DOCK5: variants seen among roughly 807,000 people sequenced by gnomAD.
DOCK5 encodes dedicator of cytokinesis 5.
In DOCK5, 142 loss-of-function variants were observed where a neutral mutation model predicts 251.8. That is an observed-to-expected ratio of 0.56 (90% CI 0.49 to 0.65). The LOEUF is 0.65. DOCK5 is among the 30% of genes least tolerant of loss of function. The pLI is 0.00. For synonymous variants in DOCK5, 842 were observed against 835.5 expected, an observed-to-expected ratio of 1.01 and a Z score of -0.13; for missense variants, 2,111 against 2,312.3, an observed-to-expected ratio of 0.91 and a Z score of 1.79.
chr8:25,392,931 TATA>T lies in DOCK5; in HGVS notation c.4527+54_4527+56del, dbSNP rs1486668134. The T allele has an allele frequency of 2.1e-6, 3 of 1,455,002 alleles. No individual in the cohort carries two copies. The African/African-American group carries it at 4.2e-5, about 20-fold the overall frequency. 90.1% of individuals were successfully genotyped at this position (1,455,002 alleles called of 1,614,324 possible). A position where few individuals can be genotyped will look rare whatever the true frequency, so the allele number is the denominator to read the frequency against. On this transcript the variant is annotated intron_variant, in intron 44 of 51. Transcript: ENST00000276440. ...TAGAAAAAAACTTTCTGTTTCCAAATATAATAACAGCCTTTGTTGAATTCCCTC... is the reference window on the plus strand; with the variant it reads ...TAGAAAAAAACTTTCTGTTTCCAAATATAACAGCCTTTGTTGAATTCCCTC...
rs1026783374 is a variant in DOCK5, at chr8:25,381,129, C to T, written c.4026+735C>T. Reference sequence around the variant, plus strand: ...TTCTGAATGCCTGATGGTAGGCAGCCACCATTCTGAATGCCCAGTGGTAGG... The same window carrying T: ...TTCTGAATGCCTGATGGTAGGCAGCTACCATTCTGAATGCCCAGTGGTAGG... On this transcript the variant is annotated intron_variant, in intron 39 of 51. Transcript: ENST00000276440. Among the ~76,000 whole-genome samples the T allele has an allele frequency of 2.0e-5, 3 of 152,104 alleles. 1 individual carries two copies. In the Middle Eastern group the frequency reaches 9.5e-3, roughly 481 times the overall value.
intron 1 of DOCK5, 97 bp from the exon 2 acceptor site, chr8:25,243,577 C>G: frequency 8.7e-7 from 1 of 1,143,286 alleles, no homozygotes; most frequent in Non-Finnish European, 1.2e-6. Context: ...GATCCACCCA[C>G]CTCACCCTCT....
chr8:25,221,929 C>T (rs1802402148), intron 1 of DOCK5, among the ~76,000 whole-genome samples: 1 of 152,162 alleles, frequency 6.6e-6, no homozygotes, highest in Non-Finnish European at 1.5e-5. Context: ...CTCCCCACTG[C>T]CAGGGCTATG....
At chr8:25,249,541 A>G (rs569909118) in intron 2 of DOCK5, among the ~76,000 whole-genome samples, 1 of 152,288 alleles carries the variant, frequency 6.6e-6, no homozygotes, top group East Asian at 1.9e-4. Context: ...TGTAAGTGGA[A>G]TCACATAATA....
rs140826061 is a variant in DOCK5, at chr8:25,273,066, C to CATGGCGCAGTGGCGCA, written c.169-2320_169-2319insATGGCGCAGTGGCGCA. 7.6e-3 allele frequency among the ~76,000 whole-genome samples: 1,148 copies of CATGGCGCAGTGGCGCA among 151,708 alleles called. 16 individuals are homozygous for CATGGCGCAGTGGCGCA. Among genetic ancestry groups the CATGGCGCAGTGGCGCA allele is most frequent in the African/African-American group, 0.026 (1,078 of 41,220 alleles). ...AGATGATAGTCAGCAAATCATTTGC[C>CATGGCGCAGTGGCGCA]GTGGCGCAGTGGCACAGTGGCACAG... On this transcript the variant is annotated intron_variant, in intron 3 of 51. Transcript: ENST00000276440.
Position 25,234,673 on chromosome 8 carries a change from A to C in DOCK5, c.44-9001A>C, listed in dbSNP as rs188254677. 3.7e-3 allele frequency among the ~76,000 whole-genome samples: 565 copies of C among 152,328 alleles called. 4 individuals carry two copies. The highest frequency in any genetic ancestry group is 0.013 in the African/African-American group (531 of 41,576). On this transcript the variant is annotated intron_variant, in intron 1 of 51. Transcript: ENST00000276440. ...TGAGGCCATCTTTAGTATTCTGGAT[A>C]ATACCCTGGTTTCTCAATGAATTGT...
intron 31 of DOCK5, 35 bp downstream of exon 31, chr8:25,367,005 G>A (rs1800788213): frequency 6.4e-7 from 1 of 1,555,540 alleles, no homozygotes; most frequent in East Asian, 2.3e-5. Context: ...TCGGGAAGGG[G>A]CTTCTTCCAT....
At chr8:25,308,965 G>T (rs1273505706) in intron 12 of DOCK5, 40 bp downstream of exon 12, 1 of 1,589,004 alleles carries the variant, frequency 6.3e-7, no homozygotes, top group Non-Finnish European at 8.6e-7. Flanking sequence ...CTCTGCTGAG[G>T]GTGGGGGACA....
At chr8:25,254,793 CA>C (rs1396748365) in intron 2 of DOCK5, among the ~76,000 whole-genome samples, 1 of 76,212 alleles carries the variant, frequency 1.3e-5, no homozygotes, top group Non-Finnish European at 2.2e-5. Flanking sequence ...CAAAACAAAA[CA>C]AAAAAAAAAA....
At chr8:25,400,508 A>AAAAAAAAAAG (rs1406169477) in intron 46 of DOCK5, among the ~76,000 whole-genome samples, 1 of 151,106 alleles carries the variant, frequency 6.6e-6, no homozygotes, top group African/African-American at 2.4e-5. Flanking sequence ...AAAAAAAAAA[A>AAAAAAAAAAG]AAAGAAAAGT....
intron 12 of DOCK5, 81 bp downstream of exon 12, chr8:25,309,006 T>G: frequency 4.0e-6 from 6 of 1,513,370 alleles, no homozygotes; most frequent in Non-Finnish European, 4.5e-6. Flanking sequence ...CTCCTGCCCT[T>G]TATTATCTTT....
chr8:25,223,820 TC>T (rs1417121109), intron 1 of DOCK5, among the ~76,000 whole-genome samples: 2 of 152,218 alleles, frequency 1.3e-5, no homozygotes, highest in Non-Finnish European at 2.9e-5. Flanking sequence ...AGATTAAATT[TC>T]TGTTAAACAG....
chr8:25,264,699 C>A (rs1052035636), intron 2 of DOCK5, among the ~76,000 whole-genome samples: 2 of 151,700 alleles, frequency 1.3e-5, no homozygotes, highest in Admixed American at 6.6e-5. Context: ...TGGTGGCACA[C>A]CTCTGTAATC....
At chr8:25,193,590 G>A (rs532949287) in intron 1 of DOCK5, among the ~76,000 whole-genome samples, 1 of 150,760 alleles carries the variant, frequency 6.6e-6, no homozygotes, top group South Asian at 2.1e-4. Context: ...GTGCAACCCC[G>A]TCTCTACAAA....
At chr8:25,294,922 C>T (rs1308572373) in intron 6 of DOCK5, among the ~76,000 whole-genome samples, 1 of 152,020 alleles carries the variant, frequency 6.6e-6, no homozygotes, top group African/African-American at 2.4e-5. Context: ...AACTCTATCA[C>T]GAGAACAGCA....
chr8:25,268,838 C>T lies in DOCK5; in HGVS notation c.128-7C>T. On this transcript the variant is annotated splice_polypyrimidine_tract_variant and splice_region_variant and intron_variant, in intron 2 of 51. Coordinates refer to ENST00000276440, the MANE Select transcript of DOCK5 (RefSeq NM_024940.8). ...AAAATATTTTGTGTTCTCTTTTGCT[C>T]TGACAGGTTGGTACAGAGGATATAC... 6.3e-7 allele frequency: 1 copy of T among 1,574,840 alleles called. No individual in the cohort carries two copies. Among genetic ancestry groups the T allele is most frequent in the South Asian group, 1.2e-5 (1 of 85,024 alleles).
intron 1 of DOCK5, among the ~76,000 whole-genome samples, chr8:25,240,703 C>A (rs78395437): frequency 0.017 from 2,624 of 152,254 alleles, 89 homozygotes; most frequent in African/African-American, 0.06. Context: ...TGTATCCTTT[C>A]ATCAGTTAAT....
chr8:25,415,243 C>A lies in DOCK5; in HGVS notation c.*3945C>A, dbSNP rs937174523. Reference sequence around the variant, plus strand: ...TAAACAATGTCATTTCCATAGTAGTCTAAGGCTTCACCAGCCTGGCCCACT... The same window carrying A: ...TAAACAATGTCATTTCCATAGTAGTATAAGGCTTCACCAGCCTGGCCCACT... On this transcript the variant is annotated 3_prime_UTR_variant, in exon 52 of 52. Coordinates refer to ENST00000276440, the MANE Select transcript of DOCK5 (RefSeq NM_024940.8). 2.6e-5 allele frequency: 4 copies of A among 152,164 alleles called. No individual in the cohort carries two copies. The highest frequency in any genetic ancestry group is 6.5e-5 in the Admixed American group (1 of 15,270). The allele number at this position is 152,164 out of a possible 1,614,324, so 9.4% of individuals were successfully genotyped here.
At chr8:25,185,893 G>C (rs1320759862) in intron 1 of DOCK5, among the ~76,000 whole-genome samples, 4 of 152,214 alleles carry the variant, frequency 2.6e-5, no homozygotes, top group African/African-American at 7.2e-5. Context: ...CTTCTGCCCT[G>C]AACGGGGTGA....
Sources: gnomAD v4.1 joint callset for allele counts (sites outside exome capture counted in the v4.1 genomes callset) on GRCh38, gnomAD v4.1.1 for gene constraint, MANE v1.5 for transcripts, NCBI Gene and HGNC (gene_info 2026-07-23, HGNC 2026-07-21) for gene names.